LAMC1: variants seen among roughly 807,000 people sequenced by gnomAD.
LAMC1 encodes the protein laminin subunit gamma 1.
Under a neutral mutation model 173.6 loss-of-function variants are expected in LAMC1, and 38 were observed. That is an observed-to-expected ratio of 0.22 (90% CI 0.17 to 0.29). The LOEUF (loss-of-function observed/expected upper bound fraction) is 0.29. LAMC1 is among the 10% of genes least tolerant of loss of function. The pLI, the probability that LAMC1 is intolerant of heterozygous loss-of-function variation, is 1.00. For missense variants in LAMC1, 1,824 were observed against 2,051.8 expected (o/e 0.89, Z 2.14); for synonymous variants, 746 against 749.1 (o/e 1.00, Z 0.07).
Position 183,121,747 on chromosome 1 carries a change from C to T in LAMC1, c.2015C>T (p.Thr672Ile). The change falls in exon 12 of 28, where the codon ACC becomes ATC. Residue 672 changes from threonine to isoleucine, a missense_variant. Transcript: ENST00000258341. The part of the protein sequence containing the change: ...ERSAGYLDDV[T>I]LASARPGPGV... ...GGTGCTGGATATTTGGATGATGTCA[C>T]CCTGGCAAGTGCTCGTCCTGGGCCT... 1.2e-6 allele frequency: 2 copies of T among 1,614,052 alleles called. No homozygotes were observed. Among genetic ancestry groups the T allele is most frequent in the Non-Finnish European group, 1.7e-6 (2 of 1,179,970 alleles).
chr1:183,064,633 T>C (rs1315139648), intron 1 of LAMC1, among the ~76,000 whole-genome samples: 1 of 152,190 alleles, frequency 6.6e-6, no homozygotes. Context: ...GAATGAAGTT[T>C]GTAAAGCAAA....
intron 4 of LAMC1, among the ~76,000 whole-genome samples, chr1:183,111,191 A>G (rs1656140546): frequency 6.6e-6 from 1 of 150,748 alleles, no homozygotes. Context: ...GGTTCAAGTG[A>G]TTGTCTTGCC....
chr1:183,089,298 C>G (rs1420399071), intron 1 of LAMC1, among the ~76,000 whole-genome samples: 1 of 152,168 alleles, frequency 6.6e-6, no homozygotes, highest in Non-Finnish European at 1.5e-5. Flanking sequence ...AAGAACATTT[C>G]TTCTGATATC....
intron 1 of LAMC1, among the ~76,000 whole-genome samples, chr1:183,044,376 C>A (rs959406738): frequency 2.6e-5 from 4 of 151,032 alleles, no homozygotes; most frequent in Admixed American, 2.0e-4. Context: ...TTGAGCATAC[C>A]ATCTTCTTTG....
rs1295390777 is a variant in LAMC1 at position 183,124,861 on chromosome 1, G to T, written c.2632G>T (p.Ala878Ser). 19 of 1,614,090 alleles carry T rather than the reference G, an allele frequency of 1.2e-5. No individual in the cohort carries two copies. Among genetic ancestry groups the T allele is most frequent in the Non-Finnish European group, 1.5e-5 (18 of 1,179,946 alleles). Reference sequence around the variant, plus strand: ...TGGAAATCCCCTGGCTCCCAATCCAGCAGACAAATGCAAAGGTAATCAGCC... The same window carrying T: ...TGGAAATCCCCTGGCTCCCAATCCATCAGACAAATGCAAAGGTAATCAGCC... Reference protein sequence around the residue: ...FFGNPLAPNPADKCKACNCNL... With the variant: ...FFGNPLAPNPSDKCKACNCNL... The change falls in exon 14 of 28, where the codon GCA (alanine) becomes TCA (serine). Residue 878 changes from alanine (A) to serine (S), a missense_variant. Ala to Ser is a moderately conservative substitution (Grantham distance 99, BLOSUM62 1). Coordinates refer to ENST00000258341, the MANE Select transcript of LAMC1 (RefSeq NM_002293.4).
At chr1:183,057,168 T>A (rs556227372) in intron 1 of LAMC1, among the ~76,000 whole-genome samples, 3 of 152,342 alleles carry the variant, frequency 2.0e-5, no homozygotes, top group Admixed American at 6.5e-5. Flanking sequence ...GGAAACAGAT[T>A]CAGAGAAACA....
At chr1:183,078,148 G>T (rs1159949920) in intron 1 of LAMC1, among the ~76,000 whole-genome samples, 2 of 152,112 alleles carry the variant, frequency 1.3e-5, no homozygotes, top group South Asian at 2.1e-4. Context: ...TGCATCTGGA[G>T]ATAAGATGTT....
intron 14 of LAMC1, among the ~76,000 whole-genome samples, 157 bp downstream of exon 14, chr1:183,125,033 A>G (rs1219792726): frequency 6.6e-6 from 1 of 152,228 alleles, no homozygotes; most frequent in Admixed American, 6.5e-5. Context: ...ACATTAAAAA[A>G]GTATAAAGAA....
intron 26 of LAMC1, among the ~76,000 whole-genome samples, 158 bp from the exon 27 acceptor site, chr1:183,140,245 CA>C (rs56152259): frequency 0.032 from 1,715 of 52,904 alleles, 22 homozygotes; most frequent in South Asian, 0.14. Flanking sequence ...GCAGCCCCAC[CA>C]AAAAAAAAAA....
At chr1:183,097,907 C>T (rs542449094) in intron 1 of LAMC1, among the ~76,000 whole-genome samples, 1 of 152,152 alleles carries the variant, frequency 6.6e-6, no homozygotes, top group African/African-American at 2.4e-5. Context: ...AGAAGCTAAA[C>T]ATTTTTTTGG....
rs372621601 is a variant in LAMC1 at position 183,132,566 on chromosome 1, C to T, written c.3704+29C>T. ...AGTATAATTTGAAAGTGGTTTACAC[C>T]CCTTCAGGTGTTCTGGTAAGTAACA... On this transcript the variant is annotated intron_variant, in intron 21 of 27. Coordinates refer to ENST00000258341, the MANE Select transcript of LAMC1 (RefSeq NM_002293.4). 13 of 1,580,302 alleles carry T rather than the reference C, an allele frequency of 8.2e-6. No individual in the cohort carries two copies. In the Admixed American group the frequency reaches 2.0e-4, roughly 25 times the overall value.
chr1:183,122,680 C>G (rs145768359), intron 13 of LAMC1, among the ~76,000 whole-genome samples: 1 of 152,146 alleles, frequency 6.6e-6, no homozygotes, highest in African/African-American at 2.4e-5. Context: ...CTGAGACCTG[C>G]ATGCACTACA....
rs549820619 is a variant in LAMC1 at position 183,071,811 on chromosome 1, A to G, written c.419-31517A>G. On this transcript the variant is annotated intron_variant, in intron 1 of 27. Coordinates refer to ENST00000258341, the MANE Select transcript of LAMC1 (RefSeq NM_002293.4). ...CCAAACACAAGAAGGTGTGTGCCTT[A>G]GGGAGAAGGTGCATGTGATGGGTAA... Among the ~76,000 whole-genome samples the G allele has an allele frequency of 4.6e-5, 7 of 152,322 alleles. No individual in the cohort carries two copies. The South Asian group carries it at 1.0e-3, about 23-fold the overall frequency.
At chr1:183,110,683 G>A (rs765395635) in intron 4 of LAMC1, 29 bp downstream of exon 4, 4 of 1,609,280 alleles carry the variant, frequency 2.5e-6, no homozygotes, top group Admixed American at 1.7e-5. Flanking sequence ...CAGTCTGTCA[G>A]TTGTCTTAAG....
intron 16 of LAMC1, 101 bp downstream of exon 16, chr1:183,126,363 TC>T: frequency 8.0e-7 from 1 of 1,245,266 alleles, no homozygotes; most frequent in Non-Finnish European, 1.1e-6. Flanking sequence ...GCCACTTGAC[TC>T]ATAGTCAGGG....
At chr1:183,038,597 G>C (rs1268023206) in intron 1 of LAMC1, among the ~76,000 whole-genome samples, 4 of 152,200 alleles carry the variant, frequency 2.6e-5, no homozygotes, top group African/African-American at 9.6e-5. Context: ...TTTAGAAAGA[G>C]GGTAGTGACA....
intron 4 of LAMC1, among the ~76,000 whole-genome samples, chr1:183,112,465 A>G (rs73053855): frequency 6.6e-6 from 1 of 152,166 alleles, no homozygotes; most frequent in African/African-American, 2.4e-5. Context: ...TTGATGAGGA[A>G]CTAAGTCAAT....
At chr1:183,108,008 G>A (rs889137815) in intron 2 of LAMC1, among the ~76,000 whole-genome samples, 17 of 152,194 alleles carry the variant, frequency 1.1e-4, no homozygotes, top group African/African-American at 3.9e-4. Context: ...TTTTATTTAA[G>A]CCTCTCAGCA....
Position 183,117,167 on chromosome 1 carries a change from TTGG to T in LAMC1, c.1565-151_1565-149del, listed in dbSNP as rs1159167684. ...TATAGTTTGAGTGGTATAGCATATA[TTGG>T]TACTGTTGTAGGATCCATTTATTCA... is the stretch of plus-strand genomic sequence containing the variant. On this transcript the variant is annotated intron_variant, in intron 8 of 27. Coordinates refer to ENST00000258341, the MANE Select transcript of LAMC1 (RefSeq NM_002293.4). Among the ~76,000 whole-genome samples the T allele has an allele frequency of 2.0e-5, 3 of 152,322 alleles. No homozygotes were observed. In the East Asian group the frequency reaches 5.8e-4, roughly 29 times the overall value.
Sources: allele counts gnomAD v4.1 joint callset (sites outside exome capture counted in the v4.1 genomes callset), GRCh38; gene constraint gnomAD v4.1.1; transcripts MANE v1.5; gene names NCBI Gene and HGNC (gene_info 2026-07-23, HGNC 2026-07-21).